The following GRID2 variants were observed in gnomAD, a reference collection of about 807,000 sequenced individuals.
GRID2 encodes glutamate receptor ionotropic, delta-2.
A neutral mutation model predicts 114.8 loss-of-function variants in GRID2; 33 were observed. That is an observed-to-expected ratio of 0.29 (90% CI 0.22 to 0.38). The LOEUF (loss-of-function observed/expected upper bound fraction) is 0.38, where lower values mean the gene tolerates loss of function less well. GRID2 is among the 10% of genes least tolerant of loss of function. The probability of loss-of-function intolerance (pLI) is 1.00; values close to 1 mark genes in which losing one functional copy is unlikely to be tolerated. For synonymous variants in GRID2, 505 were observed against 449.9 expected (o/e 1.12, Z -1.55); for missense variants, 1,184 against 1,257.7 (o/e 0.94, Z 0.89).
Position 92,557,037 on chromosome 4 carries a change from A to G in GRID2, c.89-33094A>G, listed in dbSNP as rs187492875. Among the ~76,000 whole-genome samples, 294 of 152,266 alleles carry G rather than the reference A, an allele frequency of 1.9e-3. No individual in the cohort carries two copies. The Middle Eastern group carries it at 0.02, about 11-fold the overall frequency. ...ATAAAACATCTATTGCCCAACAGAG[A>G]AAACGATGCTGAATTTTAATTTTAT... On this transcript the variant is annotated intron_variant, in intron 1 of 15. Transcript: ENST00000282020.
chr4:93,671,655 C>CT (rs1560885613), intron 14 of GRID2, among the ~76,000 whole-genome samples: 1 of 152,092 alleles, frequency 6.6e-6, no homozygotes, highest in East Asian at 1.9e-4. Context: ...TAGAACAACA[C>CT]TATATATATT....
At chr4:93,594,641 C>G (rs1458355335) in intron 13 of GRID2, among the ~76,000 whole-genome samples, 1 of 152,186 alleles carries the variant, frequency 6.6e-6, no homozygotes, top group Non-Finnish European at 1.5e-5. Flanking sequence ...TGGCGGGCGC[C>G]CCTCCCCCAG....
At chr4:92,701,767 T>A (rs886980290) in intron 2 of GRID2, among the ~76,000 whole-genome samples, 2 of 152,158 alleles carry the variant, frequency 1.3e-5, no homozygotes, top group African/African-American at 4.8e-5. Flanking sequence ...GGCATATGAT[T>A]TCTGACAATT....
intron 1 of GRID2, among the ~76,000 whole-genome samples, chr4:93,803,539 T>A (rs1394647419): frequency 6.6e-6 from 1 of 151,970 alleles, no homozygotes; most frequent in Non-Finnish European, 1.5e-5. Context: ...CTGGCCAACA[T>A]AGTGAAACCG....
At chr4:92,348,174 C>A (rs905807062) in intron 1 of GRID2, among the ~76,000 whole-genome samples, 3 of 152,098 alleles carry the variant, frequency 2.0e-5, no homozygotes, top group African/African-American at 7.2e-5. Flanking sequence ...CTATGTTGCT[C>A]ATGTTGGTCT....
intron 4 of GRID2, among the ~76,000 whole-genome samples, chr4:93,146,341 T>G (rs1736222396): frequency 6.6e-6 from 1 of 152,108 alleles, no homozygotes; most frequent in Admixed American, 6.6e-5. Flanking sequence ...GAAAATAAAG[T>G]TAAGAGGGCA....
At chr4:92,529,813 T>C (rs1725240205) in intron 1 of GRID2, among the ~76,000 whole-genome samples, 1 of 152,148 alleles carries the variant, frequency 6.6e-6, no homozygotes, top group African/African-American at 2.4e-5. Flanking sequence ...AGTTATAGAA[T>C]CTGATATGAT....
intron 11 of GRID2, among the ~76,000 whole-genome samples, chr4:93,463,906 G>A (rs10007755): frequency 0.42 from 63,505 of 151,590 alleles, 14,748 homozygotes; most frequent in African/African-American, 0.62. Flanking sequence ...GGAGAATGGC[G>A]TGAACCTGGG....
intron 6 of GRID2, among the ~76,000 whole-genome samples, chr4:93,220,415 A>G (rs975384782): frequency 2.6e-5 from 4 of 152,174 alleles, no homozygotes; most frequent in Admixed American, 6.6e-5. Flanking sequence ...AAGGCAGAAG[A>G]TAGTGAACAC....
intron 10 of GRID2, among the ~76,000 whole-genome samples, chr4:93,423,585 A>C (rs1345921101): frequency 6.6e-6 from 1 of 151,710 alleles, no homozygotes; most frequent in Non-Finnish European, 1.5e-5. Flanking sequence ...TCTTTTTAAA[A>C]ATGTGATGTT....
intron 1 of GRID2, among the ~76,000 whole-genome samples, chr4:92,507,830 A>G (rs192043412): frequency 6.6e-6 from 1 of 151,982 alleles, no homozygotes; most frequent in East Asian, 2.0e-4. Context: ...AAGGTATTCT[A>G]GTATGTGCTA....
chr4:93,265,865 C>T (rs1483220327), intron 8 of GRID2, among the ~76,000 whole-genome samples: 2 of 152,246 alleles, frequency 1.3e-5, no homozygotes, highest in Non-Finnish European at 2.9e-5. Flanking sequence ...AGTACCCCAT[C>T]ATTTCTTGTT....
At position 93,178,542 on chromosome 4, in the gene GRID2, C is replaced by T. The variant is rs150845082; in HGVS notation, c.736-28862C>T. 4.3e-3 allele frequency among the ~76,000 whole-genome samples: 644 copies of T among 151,420 alleles called. 7 individuals are homozygous for T. The highest frequency in any genetic ancestry group is 0.015 in the African/African-American group (608 of 41,300). ...TCCTGACTAGCTGGAACTACAGGAA[C>T]GTGCCAATACATCCAGCTAATTTTC... On this transcript the variant is annotated intron_variant, in intron 4 of 15. Transcript: ENST00000282020.
At chr4:92,477,494 T>C (rs192985000) in intron 1 of GRID2, among the ~76,000 whole-genome samples, 1 of 152,086 alleles carries the variant, frequency 6.6e-6, no homozygotes, top group East Asian at 1.9e-4. Flanking sequence ...TATGCTTGAT[T>C]GTGTCAGTTT....
chr4:93,590,075 G>C (rs1436031856), intron 13 of GRID2, among the ~76,000 whole-genome samples: 5 of 149,854 alleles, frequency 3.3e-5, no homozygotes, highest in African/African-American at 1.2e-4. Context: ...CCATTTGTCA[G>C]TTTTGTCTTT....
rs918534756 is a variant in GRID2 at position 92,399,661 on chromosome 4, C to A, written c.88+94917C>A. The stretch of plus-strand genomic sequence containing the variant: ...GCTCTCTCTCTCTCTCTCTCTCTCT[C>A]TCTCTATATATATATATATATATAC... On this transcript the variant is annotated intron_variant, in intron 1 of 15. Coordinates refer to ENST00000282020, the MANE Select transcript of GRID2 (RefSeq NM_001510.4). Among the ~76,000 whole-genome samples, 534 of 139,628 alleles carry A rather than the reference C, an allele frequency of 3.8e-3. 2 individuals carry two copies. Among genetic ancestry groups the A allele is most frequent in the African/African-American group, 9.6e-3 (346 of 35,882 alleles). The allele number at this position is 139,628 out of a possible 152,430, so 91.6% of individuals were successfully genotyped here.
At chr4:93,206,683 A>G (rs909398375) in intron 4 of GRID2, among the ~76,000 whole-genome samples, 1 of 151,886 alleles carries the variant, frequency 6.6e-6, no homozygotes. Context: ...ATCATTTAGA[A>G]TAAATGTATC....
At chr4:93,379,241 G>C (rs1033303310) in intron 8 of GRID2, among the ~76,000 whole-genome samples, 3 of 151,982 alleles carry the variant, frequency 2.0e-5, no homozygotes, top group African/African-American at 7.3e-5. Context: ...TTATCAATAA[G>C]ACAAGTAATA....
intron 2 of GRID2, among the ~76,000 whole-genome samples, chr4:92,622,561 A>C (rs1442052764): frequency 6.6e-6 from 1 of 151,788 alleles, no homozygotes; most frequent in African/African-American, 2.4e-5. Context: ...GGATTTCCCA[A>C]AATACACTTG....
Sources: allele counts gnomAD v4.1 joint callset (sites outside exome capture counted in the v4.1 genomes callset), GRCh38; gene constraint gnomAD v4.1.1; transcripts MANE v1.5; gene names NCBI Gene and HGNC (gene_info 2026-07-23, HGNC 2026-07-21).